The following ZBTB10 variants were observed in gnomAD, a reference collection of about 807,000 sequenced individuals.
ZBTB10 encodes zinc finger and BTB domain-containing protein 10.
A neutral mutation model predicts 76.4 loss-of-function variants in ZBTB10; 32 were observed. The observed-to-expected ratio is 0.42, with a 90% CI of 0.32 to 0.56. The LOEUF (loss-of-function observed/expected upper bound fraction) is 0.56. ZBTB10 is among the 20% of genes least tolerant of loss of function. The pLI is 0.14. For missense variants in ZBTB10, 1,057 were observed against 1,098.5 expected, an observed-to-expected ratio of 0.96 and a Z score of 0.53; for synonymous variants, 523 against 432.9, an observed-to-expected ratio of 1.21 and a Z score of -2.58.
rs1409118551 is a variant in ZBTB10 at position 80,523,575 on chromosome 8, G to T, written c.*4047G>T. The T allele has an allele frequency of 6.7e-6, 1 of 150,314 alleles. No individual in the cohort carries two copies. The highest frequency in any genetic ancestry group is 2.4e-5 in the African/African-American group (1 of 40,926). The allele number at this position is 150,314 out of a possible 1,614,324, so 9.3% of individuals were successfully genotyped here. The stretch of plus-strand genomic sequence containing the variant: ...CTATGGTACATAATATCCACACTTA[G>T]AACTAACAGGTGTTTAGTCACTTTA... On this transcript the variant is annotated 3_prime_UTR_variant, in exon 6 of 6. Coordinates refer to ENST00000455036, the MANE Select transcript of ZBTB10 (RefSeq NM_001105539.3).
chr8:80,485,834 A>AG (rs1251011407), upstream of ZBTB10: 1 of 1,535,900 alleles, frequency 6.5e-7, no homozygotes, highest in Middle Eastern at 1.7e-4. Context: ...GCAAAGTCCC[A>AG]GGTGAACTCG....
chr8:80,499,103 C>A (rs913813180), intron 1 of ZBTB10, among the ~76,000 whole-genome samples: 1 of 152,102 alleles, frequency 6.6e-6, no homozygotes, highest in African/African-American at 2.4e-5. Flanking sequence ...TAAGTTCAAT[C>A]GGGGGAGACT....
intron 2 of ZBTB10, among the ~76,000 whole-genome samples, chr8:80,508,693 G>A (rs1012509721): frequency 2.6e-5 from 4 of 152,196 alleles, no homozygotes; most frequent in Non-Finnish European, 5.9e-5. Flanking sequence ...GGGAAGAAGA[G>A]CATTCGTTGA....
upstream of ZBTB10, chr8:80,485,884 G>C (rs1815431447): frequency 6.5e-7 from 1 of 1,535,502 alleles, no homozygotes; most frequent in African/African-American, 1.4e-5. Context: ...GCGCGGGTAG[G>C]TGCGTGTGGG....
In ZBTB10 at chr8:80,486,392, T is replaced by G; in HGVS notation, c.-419T>G. The G allele has an allele frequency of 2.0e-6, 2 of 988,380 alleles. No individual in the cohort carries two copies. Among genetic ancestry groups the G allele is most frequent in the Non-Finnish European group, 2.4e-6 (2 of 833,148 alleles). The allele number at this position is 988,380 out of a possible 1,614,324, so 61.2% of individuals were successfully genotyped here. The stretch of plus-strand genomic sequence containing the variant: ...CTCCTCGGCGCGCGGAGGAAGGATA[T>G]CTGTGTGGAGGATCGGTGTGTGCGC... On this transcript the variant is annotated 5_prime_UTR_variant, in exon 1 of 6. Transcript: ENST00000455036.
At chr8:80,516,672 C>T (rs914063737) in intron 3 of ZBTB10, among the ~76,000 whole-genome samples, 2 of 152,154 alleles carry the variant, frequency 1.3e-5, no homozygotes, top group African/African-American at 2.4e-5. Context: ...CATCAAAAAC[C>T]GGTGACGGTA....
intron 2 of ZBTB10, among the ~76,000 whole-genome samples, chr8:80,508,759 T>C (rs1192576123): frequency 6.6e-6 from 1 of 152,142 alleles, no homozygotes; most frequent in Non-Finnish European, 1.5e-5. Flanking sequence ...AAAGGGGTAG[T>C]GTTGTGGGGA....
rs1297376142 is a variant in ZBTB10, at chr8:80,487,407, G to A, written c.597G>A (p.Ala199=). 2 of 1,538,440 alleles carry A rather than the reference G, an allele frequency of 1.3e-6. No individual in the cohort carries two copies. The highest frequency in any genetic ancestry group is 4.9e-5 in the East Asian group (2 of 40,680). The part of the protein sequence containing the change: ...EGASLGDGSG[A]EGGSCSSSRR... ...CGAGCCTGGGCGACGGCAGCGGGGCGGAAGGCGGCAGCTGCAGCAGCAGCA... is the reference window on the plus strand; with the variant it reads ...CGAGCCTGGGCGACGGCAGCGGGGCAGAAGGCGGCAGCTGCAGCAGCAGCA... The change falls in exon 1 of 6, where the codon GCG becomes GCA. Residue 199 remains alanine (A), a synonymous_variant. Coordinates refer to ENST00000455036, the MANE Select transcript of ZBTB10 (RefSeq NM_001105539.3).
chr8:80,488,124 T>A (rs762254537), intron 1 of ZBTB10, among the ~76,000 whole-genome samples: 2 of 152,114 alleles, frequency 1.3e-5, no homozygotes, highest in African/African-American at 2.4e-5. Context: ...GGTAAAAAAA[T>A]TTTATTAGCT....
At chr8:80,512,001 A>G (rs1816206763) in intron 2 of ZBTB10, among the ~76,000 whole-genome samples, 1 of 152,166 alleles carries the variant, frequency 6.6e-6, no homozygotes. Context: ...ATTATCCTAG[A>G]TACCTGAACA....
intron 2 of ZBTB10, among the ~76,000 whole-genome samples, chr8:80,503,909 T>C (rs1484035575): frequency 6.6e-6 from 1 of 152,222 alleles, no homozygotes. Context: ...AGTCCTGTTT[T>C]TGTAGGCTAT....
chr8:80,487,010 T>G lies in ZBTB10; in HGVS notation c.200T>G (p.Val67Gly), dbSNP rs2131466034. The G allele has an allele frequency of 6.6e-7, 1 of 1,510,706 alleles. No individual in the cohort carries two copies. The highest frequency in any genetic ancestry group is 2.1e-5 in the Admixed American group (1 of 48,056). The allele number at this position is 1,510,706 out of a possible 1,614,324, so 93.6% of individuals were successfully genotyped here. The change falls in exon 1 of 6, where the codon GTG becomes GGG. Residue 67 changes from valine to glycine, a missense_variant. Val to Gly is a moderately radical substitution (Grantham distance 109). Transcript: ENST00000455036. ...AATGGGCGGGGGGCCGACGAGGAAG[T>G]GGAATTGGAGGGCCTGGAGCCCCAA... ...PPNGRGADEE[V>G]ELEGLEPQDL...
At position 80,500,195 on chromosome 8, in the gene ZBTB10, T is replaced by C; in HGVS notation, c.1674T>C (p.Phe558=). 6.2e-7 allele frequency: 1 copy of C among 1,605,800 alleles called. No individual in the cohort carries two copies. The highest frequency in any genetic ancestry group is 8.5e-7 in the Non-Finnish European group (1 of 1,175,496). The change falls in exon 2 of 6, where the codon TTT becomes TTC. Residue 558 remains phenylalanine (F), a synonymous_variant. Transcript: ENST00000455036. ...AATCTGAAGGTCAAACAAAAGTGTT[T>C]ATTTGGAATAATATGGGCTCCCAGG... ...ENESEGQTKV[F]IWNNMGSQGI...
At chr8:80,508,005 A>G (rs534652450) in intron 2 of ZBTB10, among the ~76,000 whole-genome samples, 1 of 152,352 alleles carries the variant, frequency 6.6e-6, no homozygotes, top group African/African-American at 2.4e-5. Flanking sequence ...AGGCAACCAT[A>G]TGGTAGGTGA....
chr8:80,502,339 G>A (rs531787298), intron 2 of ZBTB10, among the ~76,000 whole-genome samples: 3 of 152,178 alleles, frequency 2.0e-5, no homozygotes, highest in South Asian at 2.1e-4. Flanking sequence ...GGGTTCAAGC[G>A]ATTCTCCTAC....
rs1815450036 is a variant in ZBTB10 at position 80,486,386 on chromosome 8, A to G, written c.-425A>G. The G allele has an allele frequency of 1.0e-6, 1 of 989,598 alleles. No homozygotes were observed. The highest frequency in any genetic ancestry group is 1.2e-6 in the Non-Finnish European group (1 of 833,768). 61.3% of individuals were successfully genotyped at this position (989,598 alleles called of 1,614,324 possible). A position where few individuals can be genotyped will look rare whatever the true frequency, so the allele number is the denominator to read the frequency against. On this transcript the variant is annotated 5_prime_UTR_variant, in exon 1 of 6. Transcript: ENST00000455036. The stretch of plus-strand genomic sequence containing the variant: ...TCGGGACTCCTCGGCGCGCGGAGGA[A>G]GGATATCTGTGTGGAGGATCGGTGT...
chr8:80,510,329 G>A (rs1585856860), intron 2 of ZBTB10, among the ~76,000 whole-genome samples: 1 of 152,172 alleles, frequency 6.6e-6, no homozygotes, highest in East Asian at 1.9e-4. Flanking sequence ...GAGGCTTGGT[G>A]CTTGTGATAA....
intron 2 of ZBTB10, among the ~76,000 whole-genome samples, chr8:80,511,869 A>C (rs570788445): frequency 6.6e-6 from 1 of 152,300 alleles, no homozygotes; most frequent in South Asian, 2.1e-4. Context: ...TATATCCCAA[A>C]GTGCTGGGAT....
chr8:80,514,142 G>A, intron 3 of ZBTB10, 134 bp downstream of exon 3: 3 of 726,592 alleles, frequency 4.1e-6, no homozygotes, highest in Non-Finnish European at 2.2e-6. Flanking sequence ...TGGTAGCTAT[G>A]TTTATGATGA....
Sources: allele counts gnomAD v4.1 joint callset (sites outside exome capture counted in the v4.1 genomes callset), GRCh38; gene constraint gnomAD v4.1.1; transcripts MANE v1.5; gene names NCBI Gene and HGNC (gene_info 2026-07-23, HGNC 2026-07-21).